Variants in TJP1 observed in about 807,000 individuals in gnomAD.
The protein encoded by TJP1 is tight junction protein 1, also known as tight junction protein ZO-1.
TJP1 carries 43 observed loss-of-function variants against 194.2 expected under a neutral mutation model. The observed-to-expected ratio is 0.22, with a 90% CI of 0.17 to 0.29. TJP1 has a LOEUF of 0.29. Among genes scored for constraint, TJP1 ranks in the 10% least tolerant of loss-of-function variants. The pLI is 1.00. For synonymous variants in TJP1, 801 were observed against 779.0 expected (o/e 1.03, Z -0.47); for missense variants, 1,971 against 2,185.7 (o/e 0.90, Z 1.96).
intron 8 of TJP1, among the ~76,000 whole-genome samples, chr15:29,744,731 T>C (rs1453214323): frequency 6.6e-6 from 1 of 152,122 alleles, no homozygotes; most frequent in Admixed American, 6.5e-5. Context: ...TATACAGCCA[T>C]ACAGAGAACA....
At chr15:29,860,673 T>G (rs758450777) in intron 2 of TJP1, among the ~76,000 whole-genome samples, 55 of 152,296 alleles carry the variant, frequency 3.6e-4, no homozygotes, top group Non-Finnish European at 5.9e-4. Context: ...GTTTGTCTAT[T>G]TTTCAGCTGA....
At chr15:29,877,352 G>A (rs761869876) in intron 2 of TJP1, among the ~76,000 whole-genome samples, 5 of 152,144 alleles carry the variant, frequency 3.3e-5, no homozygotes, top group Non-Finnish European at 7.4e-5. Context: ...GAGTAGCTGC[G>A]ACTGCAGATG....
rs371236216 is a variant in TJP1 at position 29,766,546 on chromosome 15, C to A, written c.313-4G>T. 7.1e-5 allele frequency: 109 copies of A among 1,532,736 alleles called. No homozygotes were observed. Among genetic ancestry groups the A allele is most frequent in the Middle Eastern group, 3.5e-4 (2 of 5,666 alleles). The allele number at this position is 1,532,736 out of a possible 1,614,324, so 94.9% of individuals were successfully genotyped here. A position where few individuals can be genotyped will look rare whatever the true frequency, so the allele number is the denominator to read the frequency against. ...CTTTCTTCTTCCTTCTAATTGTCTG[C>A]AAGTTAAAAAGGTTAAAAAATAAGT... On this transcript the variant is annotated splice_region_variant and splice_polypyrimidine_tract_variant and intron_variant, in intron 4 of 27. Coordinates refer to ENST00000614355, the MANE Select transcript of TJP1 (RefSeq NM_001330239.4).
rs907147051 is a variant in TJP1, at chr15:29,821,872, G to A, written c.27+130C>T. ...GCCCGCGGCCCGCGGCCCCGCGCCAGCCCTGCCCACCCCGCCGCCCCGGGG... is the reference window on the plus strand; with the variant it reads ...GCCCGCGGCCCGCGGCCCCGCGCCAACCCTGCCCACCCCGCCGCCCCGGGG... On this transcript the variant is annotated intron_variant, in intron 1 of 27. Transcript: ENST00000614355. 9 of 917,768 alleles carry A rather than the reference G, an allele frequency of 9.8e-6. No homozygotes were observed. In the African/African-American group the frequency reaches 1.3e-4, roughly 13 times the overall value. The allele number at this position is 917,768 out of a possible 1,614,324, so 56.9% of individuals were successfully genotyped here.
At position 29,734,303 on chromosome 15, in the gene TJP1, ACTT is replaced by A. The variant is rs769238191; in HGVS notation, c.1484_1486del (p.Glu495del). The A allele has an allele frequency of 3.7e-6, 6 of 1,611,854 alleles. No individual in the cohort carries two copies. Among genetic ancestry groups the A allele is most frequent in the South Asian group, 2.2e-5 (2 of 90,524 alleles). On this transcript the variant is annotated inframe_deletion, in exon 12 of 28. Coordinates refer to ENST00000614355, the MANE Select transcript of TJP1 (RefSeq NM_001330239.4). ...CTTCTTCTTCTGAGCCAATATGGTC[ACTT>A]CTTCTCCTTTAGGGAGGTCAAGCAG... is the stretch of plus-strand genomic sequence containing the variant.
At chr15:29,749,693 C>A (rs1289602780) in intron 8 of TJP1, among the ~76,000 whole-genome samples, 1 of 152,036 alleles carries the variant, frequency 6.6e-6, no homozygotes, top group Non-Finnish European at 1.5e-5. Flanking sequence ...TGGTGACATA[C>A]CACAGCAAAT....
At chr15:29,883,181 T>C (rs973161786) in intron 2 of TJP1, among the ~76,000 whole-genome samples, 3 of 152,222 alleles carry the variant, frequency 2.0e-5, no homozygotes, top group African/African-American at 4.8e-5. Context: ...CCTCCAACTA[T>C]TGTCAAAGAA....
At chr15:29,795,968 A>C (rs561036402) in intron 2 of TJP1, among the ~76,000 whole-genome samples, 46 of 152,264 alleles carry the variant, frequency 3.0e-4, no homozygotes, top group Admixed American at 9.8e-4. Context: ...GATTAAAAAC[A>C]ACCATCTCTC....
intron 2 of TJP1, among the ~76,000 whole-genome samples, chr15:29,795,970 C>T (rs2048375339): frequency 6.6e-6 from 1 of 152,000 alleles, no homozygotes; most frequent in Non-Finnish European, 1.5e-5. Flanking sequence ...TTAAAAACAA[C>T]CATCTCTCAG....
chr15:29,804,940 G>A (rs932117044), intron 1 of TJP1, among the ~76,000 whole-genome samples: 1 of 152,148 alleles, frequency 6.6e-6, no homozygotes, highest in African/African-American at 2.4e-5. Context: ...AACTAGAAAC[G>A]TGATCTTAAT....
intron 2 of TJP1, among the ~76,000 whole-genome samples, chr15:29,784,179 A>G (rs2047553260): frequency 6.6e-6 from 1 of 152,202 alleles, no homozygotes. Context: ...GAAACTAGGT[A>G]CTGAAAGAGT....
intron 1 of TJP1, among the ~76,000 whole-genome samples, chr15:29,958,851 A>G (rs1461473900): frequency 6.6e-6 from 1 of 152,138 alleles, no homozygotes; most frequent in Non-Finnish European, 1.5e-5. Flanking sequence ...CTTCTTGTTC[A>G]TACTTTTGAT....
Position 29,761,646 on chromosome 15 carries a change from C to G in TJP1, c.817G>C (p.Asp273His). 1 of 1,609,786 alleles carries G rather than the reference C, an allele frequency of 6.2e-7. No homozygotes were observed. The highest frequency in any genetic ancestry group is 8.5e-7 in the Non-Finnish European group (1 of 1,176,538). ...DERATLLNVP[D>H]LSDSIHSANA... ...GCAGAGTGGATGCTGTCAGAAAGAT[C>G]AGGGACATTCAATAGCGTAGCCCGT... The change falls in exon 7 of 28, where the codon GAT (aspartate) becomes CAT (histidine). Residue 273 changes from aspartate to histidine, a missense_variant. This residue lies in a region of TJP1 where 192 missense variants were observed against 182.3 expected (regional missense o/e 1.05). Coordinates refer to ENST00000614355, the MANE Select transcript of TJP1 (RefSeq NM_001330239.4).
chr15:29,895,063 T>C (rs781587471), intron 2 of TJP1, among the ~76,000 whole-genome samples: 19 of 152,204 alleles, frequency 1.2e-4, no homozygotes, highest in Non-Finnish European at 2.5e-4. Flanking sequence ...TCTGGCCTTG[T>C]GATGACAGTG....
chr15:29,846,524 A>G (rs2051416336), intron 2 of TJP1, among the ~76,000 whole-genome samples: 1 of 152,104 alleles, frequency 6.6e-6, no homozygotes, highest in Admixed American at 6.6e-5. Flanking sequence ...GAGCAAAATG[A>G]TCAGTTTATT....
At chr15:29,909,156 C>CAAAAAA (rs1228556468) in intron 2 of TJP1, among the ~76,000 whole-genome samples, 6 of 84,022 alleles carry the variant, frequency 7.1e-5, no homozygotes, top group African/African-American at 2.3e-4. Flanking sequence ...GACTCCATCT[C>CAAAAAA]AAAAAAAAAA....
Position 29,864,844 on chromosome 15 carries a change from G to A in TJP1, c.307-64142C>T, listed in dbSNP as rs148321540. ...TTTCTTGGCCTTACTCAGTACTGAG[G>A]GTGAACATTTGTATGCTACTATTTA... On this transcript the variant is annotated intron_variant, in intron 2 of 28. Transcript: ENST00000356107. 2.6e-5 allele frequency among the ~76,000 whole-genome samples: 4 copies of A among 152,128 alleles called. No individual in the cohort carries two copies. In the East Asian group the frequency reaches 7.7e-4, roughly 29 times the overall value.
At chr15:29,775,349 A>C (rs1041773142) in intron 2 of TJP1, among the ~76,000 whole-genome samples, 2 of 150,660 alleles carry the variant, frequency 1.3e-5, no homozygotes, top group Admixed American at 1.3e-4. Flanking sequence ...AAATATGCTG[A>C]GGTTACTAAG....
chr15:29,968,709 G>C, exon 1 of TJP1: 2 of 1,199,342 alleles, frequency 1.7e-6, no homozygotes, highest in South Asian at 1.4e-5. Flanking sequence ...GCGGTTGGAG[G>C]GGGTGACGCC....
Sources: gnomAD v4.1 joint callset for allele counts (sites outside exome capture counted in the v4.1 genomes callset) on GRCh38, gnomAD v4.1.1 for gene constraint, gnomAD v4.1.1 regional missense constraint, MANE v1.5 for transcripts, NCBI Gene and HGNC (gene_info 2026-07-23, HGNC 2026-07-21) for gene names.